MGAT4C: variants seen among roughly 807,000 people sequenced by gnomAD.
MGAT4C encodes alpha-1,3-mannosyl-glycoprotein 4-beta-N-acetylglucosaminyltransferase C.
A neutral mutation model predicts 40.1 loss-of-function variants in MGAT4C; 19 were observed. The observed-to-expected ratio is 0.47, with a 90% CI of 0.33 to 0.70. MGAT4C has a LOEUF of 0.70. Among genes scored for constraint, MGAT4C ranks in the 30% least tolerant of loss-of-function variants. The probability of loss-of-function intolerance (pLI) is 0.02; values close to 1 mark genes in which losing one functional copy is unlikely to be tolerated. For missense variants in MGAT4C, 491 were observed against 563.2 expected, an observed-to-expected ratio of 0.87 and a Z score of 1.30; for synonymous variants, 181 against 187.1, an observed-to-expected ratio of 0.97 and a Z score of 0.27.
chr12:86,793,226 C>A (rs948077500), intron 1 of MGAT4C, among the ~76,000 whole-genome samples: 20 of 151,936 alleles, frequency 1.3e-4, no homozygotes, highest in African/African-American at 3.6e-4. Context: ...ATTCTTGCTT[C>A]GTGCTATTAA....
chr12:86,000,398 AG>A (rs942656799), intron 2 of MGAT4C, among the ~76,000 whole-genome samples: 2 of 152,192 alleles, frequency 1.3e-5, no homozygotes, highest in African/African-American at 2.4e-5. Context: ...ATATCACTAA[AG>A]ATTCTACAGG....
chr12:86,440,200 C>G (rs1337609676), intron 2 of MGAT4C, among the ~76,000 whole-genome samples: 3 of 152,030 alleles, frequency 2.0e-5, no homozygotes, highest in Non-Finnish European at 4.4e-5. Context: ...GACCAACATT[C>G]CTGATGAACA....
In MGAT4C at chr12:86,566,531, CATATATATATATATATATAT is replaced by C. The variant is rs71078910; in HGVS notation, c.-228-131286_-228-131267del. On this transcript the variant is annotated intron_variant, in intron 2 of 7. Transcript: ENST00000548651. ...AGTTAATACTTAGTAAACTCATATA[CATATATATATATATATATAT>C]ATATATATATATATATATATATATG... Among the ~76,000 whole-genome samples, 60 of 39,854 alleles carry C rather than the reference CATATATATATATATATATAT, an allele frequency of 1.5e-3. 1 individual carries two copies. The Middle Eastern group carries it at 0.088, about 59-fold the overall frequency. 26.1% of individuals were successfully genotyped at this position (39,854 alleles called of 152,430 possible).
At chr12:86,612,289 T>C (rs117286186) in intron 2 of MGAT4C, among the ~76,000 whole-genome samples, 5,701 of 152,192 alleles carry the variant, frequency 0.037, 139 homozygotes, top group Non-Finnish European at 0.049. Flanking sequence ...TAAAATCATA[T>C]GCATGCTTAA....
At chr12:86,722,557 T>G (rs1211304854) in intron 2 of MGAT4C, among the ~76,000 whole-genome samples, 2 of 152,220 alleles carry the variant, frequency 1.3e-5, no homozygotes, top group Admixed American at 6.5e-5. Context: ...CCTCAAAGAC[T>G]GACCTGGAGG....
intron 3 of MGAT4C, among the ~76,000 whole-genome samples, chr12:86,351,390 G>A (rs879377965): frequency 7.2e-5 from 11 of 151,830 alleles, no homozygotes; most frequent in East Asian, 1.9e-4. Context: ...ATAATGTACA[G>A]GAATAATCAA....
chr12:86,209,211 T>C (rs1468272936), intron 1 of MGAT4C, among the ~76,000 whole-genome samples: 3 of 152,080 alleles, frequency 2.0e-5, no homozygotes, highest in African/African-American at 7.2e-5. Flanking sequence ...AGCTTTTCCA[T>C]TATTTTTCTC....
rs527592553 is a variant in MGAT4C at position 86,305,711 on chromosome 12, T to TA, written c.-57+28353dup. On this transcript the variant is annotated intron_variant, in intron 4 of 7. Transcript: ENST00000548651. ...ATCTATGCATATCCTCCTCTATACT[T>TA]ACGTTTATCACTAGATTATTTAGAA... Among the ~76,000 whole-genome samples the TA allele has an allele frequency of 1.0e-4, 15 of 150,640 alleles. No homozygotes were observed. The South Asian group carries it at 3.1e-3, about 31-fold the overall frequency.
chr12:86,296,635 C>T (rs890178731), intron 4 of MGAT4C, among the ~76,000 whole-genome samples: 10 of 152,330 alleles, frequency 6.6e-5, no homozygotes, highest in East Asian at 1.9e-4. Context: ...CCTCCGCAGC[C>T]GCTGGCCCGG....
At chr12:86,739,327 C>T (rs967159049) in intron 1 of MGAT4C, among the ~76,000 whole-genome samples, 1 of 150,144 alleles carries the variant, frequency 6.7e-6, no homozygotes, top group Non-Finnish European at 1.5e-5. Flanking sequence ...GAGTAAATTT[C>T]CAAATTCAAA....
chr12:86,549,672 C>T (rs571199204), intron 2 of MGAT4C, among the ~76,000 whole-genome samples: 28 of 152,246 alleles, frequency 1.8e-4, no homozygotes, highest in East Asian at 5.8e-4. Context: ...GTCAGCAAGA[C>T]GCCTCAGAAG....
chr12:86,200,371 G>A (rs984755568), intron 1 of MGAT4C, among the ~76,000 whole-genome samples: 5 of 151,940 alleles, frequency 3.3e-5, no homozygotes, highest in African/African-American at 1.2e-4. Context: ...TTGTAAACAT[G>A]TATTTTCACT....
At chr12:86,069,378 G>C (rs1894859002) in intron 1 of MGAT4C, among the ~76,000 whole-genome samples, 1 of 152,066 alleles carries the variant, frequency 6.6e-6, no homozygotes, top group South Asian at 2.1e-4. Flanking sequence ...TTCCATAAGT[G>C]ACTGGGTTAA....
chr12:86,085,976 G>A (rs1196613825), intron 1 of MGAT4C, among the ~76,000 whole-genome samples: 1 of 152,118 alleles, frequency 6.6e-6, no homozygotes, highest in African/African-American at 2.4e-5. Flanking sequence ...ATGGAAGACA[G>A]TGTGGCAATT....
chr12:86,423,263 TAA>T (rs1448986113), intron 3 of MGAT4C, among the ~76,000 whole-genome samples: 1 of 151,886 alleles, frequency 6.6e-6, no homozygotes, highest in East Asian at 1.9e-4. Context: ...GTGCATTAAA[TAA>T]AACACTATTA....
intron 1 of MGAT4C, among the ~76,000 whole-genome samples, chr12:86,798,283 C>A (rs949181597): frequency 6.6e-6 from 1 of 151,872 alleles, no homozygotes; most frequent in Admixed American, 6.6e-5. Context: ...ATTTATAATT[C>A]ACTTTGTAGT....
At chr12:86,385,155 T>C (rs1956026983) in intron 3 of MGAT4C, among the ~76,000 whole-genome samples, 1 of 152,200 alleles carries the variant, frequency 6.6e-6, no homozygotes, top group Non-Finnish European at 1.5e-5. Context: ...CAATAAACAC[T>C]TGCTGAAACA....
At position 86,174,116 on chromosome 12, in the gene MGAT4C, CACACACAT is replaced by C. The variant is rs745806161; in HGVS notation, c.-57+82115_-57+82122del. 9.6e-3 allele frequency among the ~76,000 whole-genome samples: 754 copies of C among 78,148 alleles called. 3 individuals carry two copies. Among genetic ancestry groups the C allele is most frequent in the African/African-American group, 0.02 (363 of 18,072 alleles). 51.3% of individuals were successfully genotyped at this position (78,148 alleles called of 152,430 possible). ...GGTTATTCTTACCAAAAAAGACACA[CACACACAT>C]ACACACACACACACACACACACACA... On this transcript the variant is annotated intron_variant, in intron 1 of 4. Transcript: ENST00000611864.
rs758179075 is a variant in MGAT4C, at chr12:86,269,563, GT to G, written c.-57+64501del. On this transcript the variant is annotated intron_variant, in intron 4 of 7. Transcript: ENST00000548651. ...TAAACTCTCCAATTCAGGTTTTTTT[GT>G]TTTTTTTTTTCCTGGTTGCCAGGTG... 1.3e-3 allele frequency among the ~76,000 whole-genome samples: 182 copies of G among 143,192 alleles called. 3 individuals carry two copies. In the Middle Eastern group the frequency reaches 0.032, roughly 25 times the overall value. The allele number at this position is 143,192 out of a possible 152,430, so 93.9% of individuals were successfully genotyped here. A position where few individuals can be genotyped will look rare whatever the true frequency, so the allele number is the denominator to read the frequency against.
Sources: gnomAD v4.1 joint callset for allele counts (sites outside exome capture counted in the v4.1 genomes callset) on GRCh38, gnomAD v4.1.1 for gene constraint, MANE v1.5 for transcripts, NCBI Gene and HGNC (gene_info 2026-07-23, HGNC 2026-07-21) for gene names.